Variants in ADGRB1 observed in about 807,000 individuals in gnomAD.
ADGRB1 encodes the protein adhesion G protein-coupled receptor B1, also known as brain-specific angiogenesis inhibitor 1.
Under a neutral mutation model 175.7 loss-of-function variants are expected in ADGRB1, and 36 were observed. The observed-to-expected ratio is 0.20, with a 90% confidence interval of 0.16 to 0.27. The LOEUF (loss-of-function observed/expected upper bound fraction) is 0.27. Among genes scored for constraint, ADGRB1 ranks in the 10% least tolerant of loss-of-function variants. The pLI is 1.00. For missense variants in ADGRB1, 1,731 were observed against 2,255.3 expected, an observed-to-expected ratio of 0.77 and a Z score of 4.71; for synonymous variants, 1,054 against 979.4, an observed-to-expected ratio of 1.08 and a Z score of -1.42.
chr8:142,528,694 C>T (rs927687636), intron 24 of ADGRB1, among the ~76,000 whole-genome samples: 5 of 152,198 alleles, frequency 3.3e-5, no homozygotes, highest in East Asian at 1.9e-4. Flanking sequence ...TGGGGCTCCG[C>T]GCTCTGAGTC....
chr8:142,485,873 C>T (rs952409474), intron 13 of ADGRB1, among the ~76,000 whole-genome samples: 1 of 152,216 alleles, frequency 6.6e-6, no homozygotes, highest in South Asian at 2.1e-4. Context: ...TCCAAGATCA[C>T]AGCTCCAGCT....
chr8:142,516,681 T>C (rs1226783600), intron 18 of ADGRB1, among the ~76,000 whole-genome samples: 1 of 133,086 alleles, frequency 7.5e-6, no homozygotes, highest in African/African-American at 3.0e-5. Flanking sequence ...GGTGCATGCC[T>C]GTGTGCGGGC....
intron 24 of ADGRB1, among the ~76,000 whole-genome samples, chr8:142,527,090 C>G (rs1028280799): frequency 1.4e-4 from 22 of 152,198 alleles, no homozygotes; most frequent in Admixed American, 1.1e-3. Flanking sequence ...ACAGGTGGAG[C>G]TGATGTTCCT....
intron 8 of ADGRB1, 27 bp downstream of exon 8, chr8:142,479,514 C>G: frequency 2.6e-6 from 4 of 1,525,302 alleles, no homozygotes; most frequent in Non-Finnish European, 3.5e-6. Flanking sequence ...CTGGGCTGGG[C>G]TCTGGGGAGG....
At chr8:142,507,159 C>T (rs1046749435) in intron 17 of ADGRB1, among the ~76,000 whole-genome samples, 3 of 152,204 alleles carry the variant, frequency 2.0e-5, no homozygotes, top group African/African-American at 7.2e-5. Context: ...AAATGATAAA[C>T]TGCCAGAAAG....
At chr8:142,500,478 C>T (rs1480049888) in intron 17 of ADGRB1, among the ~76,000 whole-genome samples, 1 of 150,254 alleles carries the variant, frequency 6.7e-6, no homozygotes, top group Non-Finnish European at 1.5e-5. Flanking sequence ...CTCGTGGGGG[C>T]GAGGGCATGT....
At chr8:142,535,835 G>A (rs892949641) in intron 25 of ADGRB1, among the ~76,000 whole-genome samples, 1 of 152,152 alleles carries the variant, frequency 6.6e-6, no homozygotes, top group African/African-American at 2.4e-5. Context: ...GTCCATGAGG[G>A]AGAGGATGGC....
chr8:142,482,783 C>T (rs1020629488), intron 11 of ADGRB1, among the ~76,000 whole-genome samples: 1 of 147,526 alleles, frequency 6.8e-6, no homozygotes. Flanking sequence ...ATCCTGGTCA[C>T]ACGCTGAGCT....
At chr8:142,484,631 G>C (rs775682644) in intron 12 of ADGRB1, 25 bp from the exon 13 acceptor site, 2 of 1,592,412 alleles carry the variant, frequency 1.3e-6, no homozygotes, top group Admixed American at 1.7e-5. Context: ...CTCCTCCCTC[G>C]GCTGCTCACC....
chr8:142,476,419 G>C (rs1840978016), intron 3 of ADGRB1, among the ~76,000 whole-genome samples, 166 bp from the exon 4 acceptor site: 1 of 152,176 alleles, frequency 6.6e-6, no homozygotes, highest in Non-Finnish European at 1.5e-5. Context: ...GGGTCCCCTG[G>C]TGACCAGATG....
In ADGRB1 at chr8:142,476,689, C is replaced by G; in HGVS notation, c.1051C>G (p.Gln351Glu). Residue 351 changes from glutamine to glutamate, a missense_variant, in exon 4 of 31, where the codon CAG becomes GAG. This residue lies in a region of ADGRB1 where 178 missense variants were observed against 227.8 expected (regional missense o/e 0.78). Transcript: ENST00000517894. ...GCAGCAGTTTGGGTTCCCAGCCCCC[C>G]AGACCGGTGAGCTGGCGGGAGGGGG... ...ELQQFGFPAP[Q>E]TGDPAAEEWS... The G allele has an allele frequency of 1.3e-6, 2 of 1,545,608 alleles. No individual in the cohort carries two copies. Among genetic ancestry groups the G allele is most frequent in the Non-Finnish European group, 1.7e-6 (2 of 1,144,270 alleles).
chr8:142,454,067 G>T (rs1017976054), intron 1 of ADGRB1, among the ~76,000 whole-genome samples: 1 of 152,180 alleles, frequency 6.6e-6, no homozygotes, highest in African/African-American at 2.4e-5. Context: ...AGGAGCCATA[G>T]GAGGGTCTCG....
rs374047873 is a variant in ADGRB1, at chr8:142,520,918, G to T, written c.3017G>T (p.Arg1006Leu). Residue 1006 changes from arginine (R) to leucine (L), a missense_variant, in exon 20 of 31, where the codon CGC becomes CTC. Around this residue, in one of 8 missense-constraint regions of ADGRB1, gnomAD observed 301 missense variants for 488.4 expected, o/e 0.62. Transcript: ENST00000517894. ...ATCCTCATCGGGCAGACCCAGACCCGCAACAAGGTAGGCAGCCTTGCGTCC... is the reference window on the plus strand; with the variant it reads ...ATCCTCATCGGGCAGACCCAGACCCTCAACAAGGTAGGCAGCCTTGCGTCC... ...ALILIGQTQT[R>L]NKVVCTLVAA... 6.2e-7 allele frequency: 1 copy of T among 1,612,692 alleles called. No homozygotes were observed. The highest frequency in any genetic ancestry group is 1.1e-5 in the South Asian group (1 of 91,036).
At chr8:142,523,971 C>T (rs1844022772) in intron 22 of ADGRB1, among the ~76,000 whole-genome samples, 1 of 152,114 alleles carries the variant, frequency 6.6e-6, no homozygotes, top group East Asian at 1.9e-4. Flanking sequence ...CAGCCTGGTG[C>T]CCCTGCTGTG....
intron 23 of ADGRB1, among the ~76,000 whole-genome samples, chr8:142,526,254 C>T (rs35318673): frequency 0.018 from 2,802 of 152,246 alleles, 42 homozygotes; most frequent in South Asian, 0.037. Context: ...CAGGGGCCTC[C>T]GGGCCCTGTG....
intron 11 of ADGRB1, among the ~76,000 whole-genome samples, chr8:142,482,027 G>A (rs988261246): frequency 2.9e-5 from 2 of 67,900 alleles, no homozygotes; most frequent in Non-Finnish European, 7.7e-5. Context: ...GTCACACACT[G>A]AGCCCTGATC....
intron 18 of ADGRB1, among the ~76,000 whole-genome samples, chr8:142,512,085 C>T (rs1179904348): frequency 6.6e-6 from 1 of 152,250 alleles, no homozygotes; most frequent in Non-Finnish European, 1.5e-5. Flanking sequence ...CAGCTGGGGT[C>T]TCCCACAGTG....
In ADGRB1 at chr8:142,476,706, G is replaced by A. The variant is rs780746949; in HGVS notation, c.1057+11G>A. ...CAGCCCCCCAGACCGGTGAGCTGGCGGGAGGGGGGTGGGTGGGACTAGGGC... is the reference window on the plus strand; with the variant it reads ...CAGCCCCCCAGACCGGTGAGCTGGCAGGAGGGGGGTGGGTGGGACTAGGGC... On this transcript the variant is annotated intron_variant, in intron 4 of 30. Transcript: ENST00000517894. 3.5e-4 allele frequency: 537 copies of A among 1,541,532 alleles called. 1 individual carries two copies. Among genetic ancestry groups the A allele is most frequent in the Middle Eastern group, 7.0e-4 (4 of 5,718 alleles).
At chr8:142,523,729 A>G (rs2132144453) in intron 22 of ADGRB1, among the ~76,000 whole-genome samples, 1 of 128,846 alleles carries the variant, frequency 7.8e-6, no homozygotes. Flanking sequence ...TTCCATGGGC[A>G]CCACAGGTGG....
Sources: gnomAD v4.1 joint callset for allele counts (sites outside exome capture counted in the v4.1 genomes callset) on GRCh38, gnomAD v4.1.1 for gene constraint, gnomAD v4.1.1 regional missense constraint, MANE v1.5 for transcripts, NCBI Gene and HGNC (gene_info 2026-07-23, HGNC 2026-07-21) for gene names.